Variants in NUCB2 observed in about 807,000 individuals in gnomAD.
The protein encoded by NUCB2 is nucleobindin-2.
In NUCB2, 48 loss-of-function variants were observed where a neutral mutation model predicts 57.9. That is an observed-to-expected ratio of 0.83 (90% CI 0.66 to 1.05). The LOEUF (loss-of-function observed/expected upper bound fraction) is 1.05, where lower values mean the gene tolerates loss of function less well. NUCB2 is among the 50% of genes least tolerant of loss of function. NUCB2 has a pLI of 0.00. For missense variants in NUCB2, 442 were observed against 476.2 expected (o/e 0.93, Z 0.67); for synonymous variants, 139 against 152.1 (o/e 0.91, Z 0.64).
intron 11 of NUCB2, among the ~76,000 whole-genome samples, chr11:17,318,264 G>C (rs952494164): frequency 6.6e-6 from 1 of 151,656 alleles, no homozygotes. Flanking sequence ...CAATCTGCCT[G>C]CCTTGGCCTC....
downstream of NUCB2, chr11:17,333,758 G>T (rs536679178): frequency 2.0e-5 from 3 of 152,206 alleles, no homozygotes. Context: ...CTCCCTCAGA[G>T]CCTTTACTTA....
intron 2 of NUCB2, among the ~76,000 whole-genome samples, chr11:17,348,943 C>T (rs1163164230): frequency 1.3e-5 from 2 of 152,098 alleles, no homozygotes; most frequent in Admixed American, 6.5e-5. Context: ...CCACACCTGG[C>T]TAAGTTTTGT....
chr11:17,288,628 A>G (rs112660283), intron 2 of NUCB2, among the ~76,000 whole-genome samples: 1 of 136,360 alleles, frequency 7.3e-6, no homozygotes, highest in African/African-American at 2.8e-5. Context: ...GGCTCACTGC[A>G]ACTGCAACCT....
intron 11 of NUCB2, among the ~76,000 whole-genome samples, chr11:17,317,310 A>G (rs964047470): frequency 1.3e-5 from 2 of 152,156 alleles, no homozygotes; most frequent in Admixed American, 6.5e-5. Flanking sequence ...ATGTATATAT[A>G]TAAACATGTA....
intron 4 of NUCB2, among the ~76,000 whole-genome samples, chr11:17,299,387 C>A (rs1188115091): frequency 1.3e-5 from 2 of 152,114 alleles, no homozygotes; most frequent in Non-Finnish European, 1.5e-5. Context: ...TGACTATTCT[C>A]TCCTTGAAAT....
chr11:17,311,358 C>G, intron 8 of NUCB2, 75 bp downstream of exon 8: 1 of 1,050,554 alleles, frequency 9.5e-7, no homozygotes. Context: ...TAATTGATTT[C>G]TGCCAAGGTC....
At chr11:17,291,575 T>G (rs1372980864) in intron 2 of NUCB2, among the ~76,000 whole-genome samples, 1 of 76,386 alleles carries the variant, frequency 1.3e-5, no homozygotes, top group Non-Finnish European at 2.9e-5. Context: ...TCTTTTGTCC[T>G]TTAAAATTAT....
intron 11 of NUCB2, among the ~76,000 whole-genome samples, chr11:17,315,769 A>G (rs978267541): frequency 6.6e-6 from 1 of 152,210 alleles, no homozygotes; most frequent in African/African-American, 2.4e-5. Context: ...TATTGAAAGA[A>G]TAAATTAGAA....
chr11:17,325,687 G>T (rs1022855167), intron 11 of NUCB2, among the ~76,000 whole-genome samples: 7 of 151,924 alleles, frequency 4.6e-5, no homozygotes, highest in African/African-American at 1.7e-4. Context: ...TATTATTATT[G>T]ATAAGTAGGG....
At chr11:17,297,703 T>C (rs533669580) in intron 4 of NUCB2, among the ~76,000 whole-genome samples, 7 of 152,292 alleles carry the variant, frequency 4.6e-5, no homozygotes, top group African/African-American at 1.7e-4. Context: ...GGGAATACTT[T>C]TATAACTATC....
At chr11:17,310,302 C>T (rs1205788405) in intron 6 of NUCB2, among the ~76,000 whole-genome samples, 1 of 151,658 alleles carries the variant, frequency 6.6e-6, no homozygotes, top group African/African-American at 2.4e-5. Flanking sequence ...TTGGGGCTAG[C>T]TTTGAACTTT....
intron 2 of NUCB2, among the ~76,000 whole-genome samples, chr11:17,348,160 T>C (rs773361116): frequency 2.0e-5 from 3 of 152,044 alleles, no homozygotes; most frequent in Non-Finnish European, 4.4e-5. Flanking sequence ...GTTGGCCAGT[T>C]GGTCTTGAAC....
At chr11:17,331,144 T>C in intron 13 of NUCB2, 161 bp downstream of exon 13, 1 of 626,022 alleles carries the variant, frequency 1.6e-6, no homozygotes, top group South Asian at 2.5e-5. Context: ...AAAATGAAAA[T>C]GCCTCCAAAA....
At chr11:17,319,226 C>A (rs1321676304) in intron 11 of NUCB2, among the ~76,000 whole-genome samples, 2 of 151,926 alleles carry the variant, frequency 1.3e-5, no homozygotes, top group Non-Finnish European at 2.9e-5. Context: ...AGACTCATGG[C>A]TTCTTTTATT....
chr11:17,305,095 G>A (rs899413000), intron 5 of NUCB2, among the ~76,000 whole-genome samples: 8 of 151,880 alleles, frequency 5.3e-5, no homozygotes, highest in Non-Finnish European at 7.3e-5. Flanking sequence ...AAGCTAAGGC[G>A]GGCGGATCAC....
intron 2 of NUCB2, among the ~76,000 whole-genome samples, chr11:17,348,700 G>C (rs530056854): frequency 2.6e-5 from 4 of 151,940 alleles, no homozygotes; most frequent in Non-Finnish European, 4.4e-5. Flanking sequence ...GTCACTCCTA[G>C]ATTGTGCCTG....
intron 2 of NUCB2, chr11:17,283,514 A>G (rs918501952): frequency 6.6e-6 from 1 of 152,266 alleles, no homozygotes; most frequent in Non-Finnish European, 1.5e-5. Context: ...ATAATTTGCC[A>G]TGGCAGAGAT....
chr11:17,314,824 T>A (rs575610892), intron 10 of NUCB2, among the ~76,000 whole-genome samples: 4 of 152,360 alleles, frequency 2.6e-5, no homozygotes, highest in South Asian at 4.1e-4. Flanking sequence ...CAAGTGAATT[T>A]CTTTGACCAT....
chr11:17,329,632 T>C (rs2139441586), intron 11 of NUCB2, among the ~76,000 whole-genome samples: 1 of 152,348 alleles, frequency 6.6e-6, no homozygotes, highest in Middle Eastern at 3.4e-3. Context: ...ACAGACTCTC[T>C]GTGCTGCAGG....
Sources: allele counts gnomAD v4.1 joint callset (sites outside exome capture counted in the v4.1 genomes callset), GRCh38; gene constraint gnomAD v4.1.1; transcripts MANE v1.5; gene names NCBI Gene and HGNC (gene_info 2026-07-23, HGNC 2026-07-21).